WDR37: variants seen among roughly 807,000 people sequenced by gnomAD.
WDR37 encodes the protein WD repeat-containing protein 37.
WDR37 carries 19 observed loss-of-function variants against 62.9 expected under a neutral mutation model. The ratio of observed to expected loss-of-function variants is 0.30; its 90% confidence interval spans 0.21 to 0.44. The LOEUF (loss-of-function observed/expected upper bound fraction) is 0.44. WDR37 is among the 20% of genes least tolerant of loss of function. The pLI is 1.00. For synonymous variants in WDR37, 250 were observed against 260.9 expected, an observed-to-expected ratio of 0.96 and a Z score of 0.40; for missense variants, 474 against 657.6, an observed-to-expected ratio of 0.72 and a Z score of 3.05.
chr10:1,103,571 C>T lies in WDR37; in HGVS notation c.727-31C>T, dbSNP rs1834894045. The T allele has an allele frequency of 6.2e-7, 1 of 1,604,386 alleles. No homozygotes were observed. The highest frequency in any genetic ancestry group is 8.5e-7 in the Non-Finnish European group (1 of 1,172,488). On this transcript the variant is annotated intron_variant, in intron 9 of 13. Coordinates refer to ENST00000263150, the MANE Select transcript of WDR37 (RefSeq NM_014023.4). The surrounding 1 kb of genome is among the most constrained non-coding windows in gnomAD (Gnocchi z 6.3). ...GAAACTCAAGATTTCCAGGAAATGT[C>T]TTTCTTTTCTGGCCTTCCCTTTGGC...
intron 5 of WDR37, among the ~76,000 whole-genome samples, chr10:1,083,893 C>T (rs1187653748): frequency 1.3e-5 from 2 of 152,248 alleles, no homozygotes; most frequent in African/African-American, 4.8e-5. Context: ...TTCCTCCCCA[C>T]CACAGGCTTT....
chr10:1,097,230 C>T (rs1213176721), intron 9 of WDR37, among the ~76,000 whole-genome samples: 1 of 152,146 alleles, frequency 6.6e-6, no homozygotes, highest in Admixed American at 6.5e-5. Flanking sequence ...AAGCTGGTTC[C>T]GAAGAGCACA....
chr10:1,062,111 G>A (rs1833389124), intron 1 of WDR37, among the ~76,000 whole-genome samples: 1 of 152,074 alleles, frequency 6.6e-6, no homozygotes, highest in Non-Finnish European at 1.5e-5. Context: ...AAAATGTGGA[G>A]GGTGTGAATA....
At chr10:1,083,754 C>A (rs1228148187) in intron 5 of WDR37, among the ~76,000 whole-genome samples, 1 of 152,200 alleles carries the variant, frequency 6.6e-6, no homozygotes, top group Non-Finnish European at 1.5e-5. Context: ...TTGTCTCCTG[C>A]TGGGCTGAGC....
At chr10:1,092,420 G>T (rs932669229) in intron 7 of WDR37, among the ~76,000 whole-genome samples, 1 of 151,342 alleles carries the variant, frequency 6.6e-6, no homozygotes, top group African/African-American at 2.4e-5. Context: ...AGGCTGGAGT[G>T]CAGTGGCTCG....
At position 1,080,475 on chromosome 10, in the gene WDR37, A is replaced by G; in HGVS notation, c.395A>G (p.Lys132Arg). 1 of 1,614,190 alleles carries G rather than the reference A, an allele frequency of 6.2e-7. No homozygotes were observed. The highest frequency in any genetic ancestry group is 8.5e-7 in the Non-Finnish European group (1 of 1,180,034). The change falls in exon 5 of 14, where the codon AAG (lysine) becomes AGG (arginine). Residue 132 changes from lysine to arginine, a missense_variant and splice_region_variant. Coordinates refer to ENST00000263150, the MANE Select transcript of WDR37 (RefSeq NM_014023.4). ...ACCACTTACAAGGCTTCCACCAGCA[A>G]GGTATGCAGGCCACTGGCTCTTGAG... is the stretch of plus-strand genomic sequence containing the variant. ...LKTTYKASTSKIVSSFKTTTS... is the reference protein window; with the variant it reads ...LKTTYKASTSRIVSSFKTTTS...
chr10:1,126,158 C>G (rs1228477447), intron 13 of WDR37, among the ~76,000 whole-genome samples: 2 of 152,174 alleles, frequency 1.3e-5, no homozygotes, highest in Non-Finnish European at 1.5e-5. Flanking sequence ...GTAATCGTAG[C>G]ACTTTGGGAG....
intron 2 of WDR37, among the ~76,000 whole-genome samples, chr10:1,077,143 G>A (rs1440402372): frequency 6.6e-6 from 1 of 152,148 alleles, no homozygotes. Flanking sequence ...GGTTGGAGTG[G>A]CACATGGCTG....
intron 9 of WDR37, among the ~76,000 whole-genome samples, chr10:1,099,603 A>G (rs1834720709): frequency 1.3e-5 from 2 of 152,254 alleles, no homozygotes; most frequent in African/African-American, 2.4e-5. Flanking sequence ...TCTTTGTGGA[A>G]TTGCCAGACT....
intron 7 of WDR37, among the ~76,000 whole-genome samples, chr10:1,092,179 C>CAAAAAA (rs1216415362): frequency 4.4e-5 from 3 of 68,846 alleles, no homozygotes; most frequent in African/African-American, 5.7e-5. Flanking sequence ...GACTCCGTCT[C>CAAAAAA]AAAAAAAAAA....
intron 1 of WDR37, among the ~76,000 whole-genome samples, chr10:1,071,845 A>G (rs564227014): frequency 3.3e-5 from 5 of 152,120 alleles, no homozygotes; most frequent in Non-Finnish European, 7.4e-5. Context: ...CCGTTGGGTT[A>G]AGGGAGAGCA....
chr10:1,089,659 CCG>C (rs1491352396), intron 7 of WDR37, among the ~76,000 whole-genome samples: 3 of 29,996 alleles, frequency 1.0e-4, no homozygotes, highest in African/African-American at 1.4e-4. Flanking sequence ...CCGTGCTCAC[CCG>C]CAGTTCGGCC....
chr10:1,088,925 A>G (rs962484442), intron 7 of WDR37, among the ~76,000 whole-genome samples: 1 of 152,164 alleles, frequency 6.6e-6, no homozygotes, highest in African/African-American at 2.4e-5. Flanking sequence ...ATACACGCAT[A>G]GTCATTTCTG....
At chr10:1,064,583 C>CTT (rs71376884) in intron 1 of WDR37, among the ~76,000 whole-genome samples, 2,103 of 70,420 alleles carry the variant, frequency 0.03, 289 homozygotes, top group Non-Finnish European at 0.039. Context: ...GACAATGGAT[C>CTT]TTTTTTTTTT....
intron 7 of WDR37, among the ~76,000 whole-genome samples, chr10:1,088,627 C>G (rs1172156715): frequency 6.6e-6 from 1 of 150,710 alleles, no homozygotes; most frequent in Non-Finnish European, 1.5e-5. Context: ...TCAGAGATCA[C>G]AGGTCACTAT....
At chr10:1,123,956 A>G (rs1282081686) in intron 11 of WDR37, 2 of 437,894 alleles carry the variant, frequency 4.6e-6, no homozygotes, top group Non-Finnish European at 8.2e-6. Flanking sequence ...TACTTTCTGT[A>G]ACCTCTCTTC....
intron 9 of WDR37, among the ~76,000 whole-genome samples, chr10:1,101,209 C>G (rs952537379): frequency 3.3e-5 from 5 of 152,224 alleles, no homozygotes; most frequent in African/African-American, 1.2e-4. Flanking sequence ...TAACAAAGTG[C>G]CACAGGCAGG....
At chr10:1,106,597 G>A (rs1564509036) in intron 11 of WDR37, among the ~76,000 whole-genome samples, 1 of 151,764 alleles carries the variant, frequency 6.6e-6, no homozygotes, top group Non-Finnish European at 1.5e-5. Context: ...GCTCACTGCA[G>A]CCTCTGCCTC....
chr10:1,101,360 C>T (rs958384678), intron 9 of WDR37, among the ~76,000 whole-genome samples: 2 of 152,228 alleles, frequency 1.3e-5, no homozygotes, highest in Admixed American at 6.5e-5. Context: ...ATGGCGTCTT[C>T]TCCTGGATCC....
Sources: allele counts gnomAD v4.1 joint callset (sites outside exome capture counted in the v4.1 genomes callset), GRCh38; gene constraint gnomAD v4.1.1; non-coding constraint Gnocchi (gnomAD v3.1); transcripts MANE v1.5; gene names NCBI Gene and HGNC (gene_info 2026-07-23, HGNC 2026-07-21).